MDFIC: variants seen among roughly 807,000 people sequenced by gnomAD.
MDFIC encodes MyoD family inhibitor domain containing, also known as myoD family inhibitor domain-containing protein.
A neutral mutation model predicts 23.2 loss-of-function variants in MDFIC; 17 were observed. That is an observed-to-expected ratio of 0.73 (90% CI 0.50 to 1.10). The LOEUF is 1.10. Among genes scored for constraint, MDFIC ranks in the 50% least tolerant of loss-of-function variants. MDFIC has a pLI of 0.00. For synonymous variants in MDFIC, 120 were observed against 115.2 expected (o/e 1.04, Z -0.27); for missense variants, 356 against 316.6 (o/e 1.12, Z -0.95).
chr7:114,991,748 T>C (rs1781761627), intron 4 of MDFIC, among the ~76,000 whole-genome samples: 1 of 152,234 alleles, frequency 6.6e-6, no homozygotes, highest in East Asian at 1.9e-4. Context: ...TTTTGGTTAC[T>C]GTAGCCTTGT....
chr7:114,947,638 C>T (rs551893341), intron 3 of MDFIC, among the ~76,000 whole-genome samples: 18 of 152,154 alleles, frequency 1.2e-4, no homozygotes, highest in Middle Eastern at 3.4e-3. Flanking sequence ...CATTTTGAGC[C>T]GATTTTTGTT....
rs569877467 is a variant in MDFIC, at chr7:114,994,050, A to G, written c.493+14269A>G. On this transcript the variant is annotated intron_variant, in intron 4 of 4. Transcript: ENST00000393486. ...GGGTGCTCCTGTATTGGGTGCATAT[A>G]TATTTAGGATAGTTAGCTCTTCTTG... Among the ~76,000 whole-genome samples the G allele has an allele frequency of 1.6e-4, 25 of 152,286 alleles. No individual in the cohort carries two copies. In the East Asian group the frequency reaches 4.0e-3, roughly 25 times the overall value.
intron 4 of MDFIC, among the ~76,000 whole-genome samples, chr7:115,009,773 T>G (rs930878915): frequency 6.6e-6 from 1 of 152,242 alleles, no homozygotes; most frequent in Admixed American, 6.5e-5. Context: ...GGATTGTGTC[T>G]TCAGTAATTC....
At chr7:114,985,628 T>C (rs532889497) in intron 4 of MDFIC, among the ~76,000 whole-genome samples, 1 of 152,072 alleles carries the variant, frequency 6.6e-6, no homozygotes, top group African/African-American at 2.4e-5. Flanking sequence ...TCTGATCCTC[T>C]CCCATCTCTC....
rs1205566480 is a variant in MDFIC, at chr7:114,923,069, C to A, written c.36C>A (p.Pro12=). The A allele has an allele frequency of 1.4e-6, 2 of 1,403,798 alleles. No individual in the cohort carries two copies. The highest frequency in any genetic ancestry group is 1.9e-6 in the Non-Finnish European group (2 of 1,079,970). The allele number at this position is 1,403,798 out of a possible 1,614,324, so 87.0% of individuals were successfully genotyped here. A position where few individuals can be genotyped will look rare whatever the true frequency, so the allele number is the denominator to read the frequency against. ...CGGGCGAAGCCCTCGCTCCCGGGCC[C>A]GTGGGGCCGCAGCGCGTGGCCGAGG... ...SGAGEALAPG[P]VGPQRVAEAG... The change falls in exon 2 of 5, where the codon CCC becomes CCA. Residue 12 remains proline, a synonymous_variant. Coordinates refer to ENST00000393486, the MANE Select transcript of MDFIC (RefSeq NM_001166345.3).
At position 114,942,360 on chromosome 7, in the gene MDFIC, C is replaced by T. The variant is rs1384213894; in HGVS notation, c.180C>T (p.Ser60=). 6.2e-7 allele frequency: 1 copy of T among 1,604,044 alleles called. No individual in the cohort carries two copies. Reference sequence around the variant, plus strand: ...CACATGGAGAGATGCAAGACCAGTCCATTTGGGGAAATCCTTCGGATGGTG... The same window carrying T: ...CACATGGAGAGATGCAAGACCAGTCTATTTGGGGAAATCCTTCGGATGGTG... ...HFTHGEMQDQ[S]IWGNPSDGEL... is the part of the protein sequence containing the mutation. The change falls in exon 3 of 5, where the codon TCC becomes TCT. Residue 60 remains serine (S), a synonymous_variant. Transcript: ENST00000393486.
intron 4 of MDFIC, among the ~76,000 whole-genome samples, chr7:114,983,536 A>AC (rs1157300894): frequency 6.6e-6 from 1 of 150,984 alleles, no homozygotes; most frequent in Non-Finnish European, 1.5e-5. Context: ...AGAACTGAGA[A>AC]CAAAGAAGCC....
At position 114,959,513 on chromosome 7, in the gene MDFIC, C is replaced by T. The variant is rs147160050; in HGVS notation, c.217+17116C>T. Reference sequence around the variant, plus strand: ...TGCATCTCCAGTTTGGACATATCTGCATGATATTGTTTTGGCATACAACAT... The same window carrying T: ...TGCATCTCCAGTTTGGACATATCTGTATGATATTGTTTTGGCATACAACAT... On this transcript the variant is annotated intron_variant, in intron 3 of 4. Coordinates refer to ENST00000393486, the MANE Select transcript of MDFIC (RefSeq NM_001166345.3). Among the ~76,000 whole-genome samples the T allele has an allele frequency of 4.5e-3, 679 of 152,204 alleles. 2 individuals are homozygous for T. The highest frequency in any genetic ancestry group is 6.1e-3 in the Non-Finnish European group (414 of 68,004).
chr7:114,973,684 C>A (rs542943879), intron 3 of MDFIC, among the ~76,000 whole-genome samples: 1 of 152,138 alleles, frequency 6.6e-6, no homozygotes, highest in South Asian at 2.1e-4. Flanking sequence ...AAGTTTTATC[C>A]TTTCTTTGGG....
intron 3 of MDFIC, among the ~76,000 whole-genome samples, chr7:114,957,086 T>C (rs1013400733): frequency 6.6e-6 from 1 of 152,118 alleles, no homozygotes; most frequent in Non-Finnish European, 1.5e-5. Flanking sequence ...TTTATAATAT[T>C]ACAAAAGAAT....
At position 115,018,056 on chromosome 7, in the gene MDFIC, C is replaced by A. The variant is rs576836062; in HGVS notation, c.*2121C>A. 6.6e-6 allele frequency: 1 copy of A among 152,084 alleles called. No homozygotes were observed. The highest frequency in any genetic ancestry group is 1.9e-4 in the East Asian group (1 of 5,190). The allele number at this position is 152,084 out of a possible 1,614,324, so 9.4% of individuals were successfully genotyped here. Reference sequence around the variant, plus strand: ...CTATTTACACATACATACACACATACAAAACCTTTAAATTTTGGGATCTGA... The same window carrying A: ...CTATTTACACATACATACACACATAAAAAACCTTTAAATTTTGGGATCTGA... On this transcript the variant is annotated 3_prime_UTR_variant, in exon 5 of 5. Transcript: ENST00000393486.
At chr7:114,971,089 T>G (rs1793195692) in intron 3 of MDFIC, among the ~76,000 whole-genome samples, 1 of 152,246 alleles carries the variant, frequency 6.6e-6, no homozygotes, top group Non-Finnish European at 1.5e-5. Context: ...AGTTGGCTTT[T>G]ACTTCAACTA....
chr7:114,949,569 T>A (rs561915381), intron 3 of MDFIC, among the ~76,000 whole-genome samples: 1 of 152,304 alleles, frequency 6.6e-6, no homozygotes, highest in South Asian at 2.1e-4. Context: ...AATTAAAGAG[T>A]AATTTTAAAA....
intron 1 of MDFIC, 114 bp from the exon 2 acceptor site, chr7:114,922,813 T>C (rs930803368): frequency 2.2e-6 from 3 of 1,346,118 alleles, no homozygotes; most frequent in Non-Finnish European, 3.0e-6. Context: ...AATCAAAACT[T>C]CCCCGGGGTG....
chr7:114,993,149 A>C (rs988090954), intron 4 of MDFIC, among the ~76,000 whole-genome samples: 1 of 152,086 alleles, frequency 6.6e-6, no homozygotes, highest in South Asian at 2.1e-4. Flanking sequence ...AGAGGTGTTT[A>C]TAGTATTCTC....
rs140766662 is a variant in MDFIC, at chr7:114,978,894, T to C, written c.218-612T>C. On this transcript the variant is annotated intron_variant, in intron 3 of 4. Transcript: ENST00000393486. ...TCCTGACATTTAATTTTGGTAGATATGTTTTATTAAAGAAATTATCTTGTA... is the reference window on the plus strand; with the variant it reads ...TCCTGACATTTAATTTTGGTAGATACGTTTTATTAAAGAAATTATCTTGTA... 4.6e-3 allele frequency among the ~76,000 whole-genome samples: 703 copies of C among 152,306 alleles called. 5 individuals are homozygous for C. Among genetic ancestry groups the C allele is most frequent in the African/African-American group, 0.016 (676 of 41,578 alleles).
chr7:114,985,945 T>C (rs1260862113), intron 4 of MDFIC, among the ~76,000 whole-genome samples: 2 of 152,034 alleles, frequency 1.3e-5, no homozygotes, highest in African/African-American at 4.8e-5. Flanking sequence ...TGGTTGGAAT[T>C]ATATAGAATC....
rs575976174 is a variant in MDFIC at position 115,016,942 on chromosome 7, A to G, written c.*1007A>G. On this transcript the variant is annotated 3_prime_UTR_variant, in exon 5 of 5. Transcript: ENST00000393486. ...AAGGCATACTGAAGTGAGGATTATA[A>G]GAGAAATAAACTCAAAATGCTGTTG... 1.3e-5 allele frequency: 2 copies of G among 152,370 alleles called. No individual in the cohort carries two copies. The highest frequency in any genetic ancestry group is 4.8e-5 in the African/African-American group (2 of 41,586). The allele number at this position is 152,370 out of a possible 1,614,324, so 9.4% of individuals were successfully genotyped here.
At chr7:114,926,747 T>A (rs1438072316) in intron 2 of MDFIC, among the ~76,000 whole-genome samples, 1 of 152,194 alleles carries the variant, frequency 6.6e-6, no homozygotes, top group African/African-American at 2.4e-5. Flanking sequence ...AGCTTTGATT[T>A]AGAAGCTTAG....
Sources: gnomAD v4.1 joint callset for allele counts (sites outside exome capture counted in the v4.1 genomes callset) on GRCh38, gnomAD v4.1.1 for gene constraint, MANE v1.5 for transcripts, NCBI Gene and HGNC (gene_info 2026-07-23, HGNC 2026-07-21) for gene names.